The following WASF2 variants were observed in gnomAD, a reference collection of about 807,000 sequenced individuals.
The protein encoded by WASF2 is WASP family member 2.
A neutral mutation model predicts 45.0 loss-of-function variants in WASF2; 14 were observed. That is an observed-to-expected ratio of 0.31 (90% CI 0.21 to 0.49). The LOEUF is 0.49. Among genes scored for constraint, WASF2 ranks in the 20% least tolerant of loss-of-function variants. The pLI is 0.99. For missense variants in WASF2, 439 were observed against 636.1 expected, an observed-to-expected ratio of 0.69 and a Z score of 3.33; for synonymous variants, 200 against 236.3, an observed-to-expected ratio of 0.85 and a Z score of 1.41.
chr1:27,412,425 C>T (rs1378661763), intron 7 of WASF2, 147 bp downstream of exon 7: 5 of 1,073,222 alleles, frequency 4.7e-6, no homozygotes, highest in Non-Finnish European at 6.8e-6. Context: ...CCAGACTGGT[C>T]TTGAACTTTT....
In WASF2 at chr1:27,414,778, T is replaced by C; in HGVS notation, c.668+55A>G. On this transcript the variant is annotated intron_variant, in intron 6 of 8. Coordinates refer to ENST00000618852, the MANE Select transcript of WASF2 (RefSeq NM_006990.5). The surrounding 1 kb of genome is among the most constrained non-coding windows in gnomAD (Gnocchi z 4.1). ...AGGTGTCACACCAGAGCTGTCAGAC[T>C]GTTGTCCCCAGCCCCTTCAAAGAAT... is the stretch of plus-strand genomic sequence containing the variant. 3 of 1,596,266 alleles carry C rather than the reference T, an allele frequency of 1.9e-6. No homozygotes were observed. The highest frequency in any genetic ancestry group is 3.4e-5 in the Admixed American group (2 of 57,980).
intron 1 of WASF2, among the ~76,000 whole-genome samples, chr1:27,452,763 CTGAGA>C (rs1006473075): frequency 9.9e-5 from 15 of 151,750 alleles, no homozygotes; most frequent in African/African-American, 3.4e-4. Flanking sequence ...TTGCAGTGAG[CTGAGA>C]TCACACCACC....
intron 1 of WASF2, among the ~76,000 whole-genome samples, chr1:27,466,553 C>G (rs2017613647): frequency 6.6e-6 from 1 of 152,156 alleles, no homozygotes. Flanking sequence ...TGCAAAGCAC[C>G]AACTTTCAAA....
intron 1 of WASF2, among the ~76,000 whole-genome samples, chr1:27,468,338 AC>A (rs995863945): frequency 2.6e-5 from 4 of 152,044 alleles, no homozygotes; most frequent in African/African-American, 9.7e-5. Context: ...CAAAAAAAAA[AC>A]ACCAGAGAAA....
intron 2 of WASF2, among the ~76,000 whole-genome samples, chr1:27,419,736 A>G (rs1232161013): frequency 6.6e-6 from 1 of 152,244 alleles, no homozygotes; most frequent in Non-Finnish European, 1.5e-5. Context: ...TCTAAAATTA[A>G]CATGAAAAAT....
intron 1 of WASF2, among the ~76,000 whole-genome samples, chr1:27,448,734 C>G (rs1193781400): frequency 6.7e-6 from 1 of 150,124 alleles, no homozygotes; most frequent in African/African-American, 2.5e-5. Flanking sequence ...CCCAACTACT[C>G]AGAAGGCTGA....
intron 1 of WASF2, among the ~76,000 whole-genome samples, chr1:27,471,613 G>A (rs575110194): frequency 1.6e-4 from 24 of 152,164 alleles, no homozygotes; most frequent in African/African-American, 5.1e-4. Context: ...GGCCAACAGC[G>A]CAAGAACCTG....
chr1:27,454,779 C>T (rs1007703921), intron 1 of WASF2, among the ~76,000 whole-genome samples: 3 of 152,048 alleles, frequency 2.0e-5, no homozygotes, highest in Admixed American at 1.3e-4. Flanking sequence ...GCTATAGCTG[C>T]GATTTACTTT....
Position 27,409,816 on chromosome 1 carries a change from G to A in WASF2, c.1215C>T (p.Pro405=). 1 of 1,563,754 alleles carries A rather than the reference G, an allele frequency of 6.4e-7. No homozygotes were observed. ...GCTGGCCATCTGCACCAGTGAAAGG[G>A]GGAGGAGGGGGCCCCGGAGGAGGAG... ...PPPPPPGPPP[P]PFTGADGQPA... Residue 405 remains proline (P), a synonymous_variant, in exon 8 of 9, where the codon CCC becomes CCT. Coordinates refer to ENST00000618852, the MANE Select transcript of WASF2 (RefSeq NM_006990.5).
At chr1:27,422,345 C>A (rs1015329606) in intron 2 of WASF2, among the ~76,000 whole-genome samples, 1 of 152,070 alleles carries the variant, frequency 6.6e-6, no homozygotes, top group Non-Finnish European at 1.5e-5. Flanking sequence ...CTGGGCTGGG[C>A]GCAGTGGCTC....
chr1:27,416,244 C>G (rs1557597337), intron 4 of WASF2, 142 bp from the exon 5 acceptor site: 1 of 691,526 alleles, frequency 1.4e-6, no homozygotes, highest in African/African-American at 1.8e-5. Flanking sequence ...CCTCCTCTCC[C>G]ATACCAGCAT....
At chr1:27,432,376 C>T (rs545830243) in intron 1 of WASF2, among the ~76,000 whole-genome samples, 7 of 152,112 alleles carry the variant, frequency 4.6e-5, no homozygotes, top group African/African-American at 7.2e-5. Flanking sequence ...AGGCCGGGCG[C>T]GGTGGCTCAC....
intron 1 of WASF2, among the ~76,000 whole-genome samples, chr1:27,487,613 T>TATATATTATATA (rs2017957031): frequency 1.0e-5 from 1 of 99,524 alleles, no homozygotes; most frequent in Non-Finnish European, 1.8e-5. Context: ...TAATATATAT[T>TATATATTATATA]ATATATATTT....
At chr1:27,461,721 G>A (rs887673420) in intron 1 of WASF2, among the ~76,000 whole-genome samples, 4 of 151,694 alleles carry the variant, frequency 2.6e-5, no homozygotes, top group Non-Finnish European at 4.4e-5. Context: ...TAATCCACCC[G>A]CCTCGGCCTC....
chr1:27,412,518 T>C (rs1166230282), intron 7 of WASF2, 54 bp downstream of exon 7: 51 of 1,605,016 alleles, frequency 3.2e-5, no homozygotes, highest in Non-Finnish European at 3.8e-5. Context: ...GTCCATTCTT[T>C]TGTTCTCAAG....
intron 1 of WASF2, among the ~76,000 whole-genome samples, chr1:27,487,345 C>G (rs926899225): frequency 7.1e-6 from 1 of 141,352 alleles, no homozygotes; most frequent in African/African-American, 2.6e-5. Context: ...GTGATCCACC[C>G]GCCTCGGCCT....
At chr1:27,426,635 C>T (rs1187297719) in intron 2 of WASF2, among the ~76,000 whole-genome samples, 1 of 151,912 alleles carries the variant, frequency 6.6e-6, no homozygotes, top group African/African-American at 2.4e-5. Context: ...CTTAGCCTCC[C>T]GAGTAGCTGG....
At position 27,407,303 on chromosome 1, in the gene WASF2, T is replaced by G. The variant is rs35504794; in HGVS notation, c.*886A>C. ...GCAAGTCACTTCCCATCTCTAGGCC[T>G]CAGCATCCTTAAAGGGTGAGACCCA... On this transcript the variant is annotated 3_prime_UTR_variant, in exon 9 of 9. Coordinates refer to ENST00000618852, the MANE Select transcript of WASF2 (RefSeq NM_006990.5). 3.9e-3 allele frequency: 594 copies of G among 152,830 alleles called. 4 individuals are homozygous for G. The highest frequency in any genetic ancestry group is 0.01 in the Middle Eastern group (3 of 294). The allele number at this position is 152,830 out of a possible 1,614,324, so 9.5% of individuals were successfully genotyped here.
At chr1:27,454,119 ATG>A (rs1322709314) in intron 1 of WASF2, among the ~76,000 whole-genome samples, 7 of 140,144 alleles carry the variant, frequency 5.0e-5, no homozygotes, top group African/African-American at 1.9e-4. Flanking sequence ...GTGTATATAT[ATG>A]TGTGTATATA....
Sources: allele counts gnomAD v4.1 joint callset (sites outside exome capture counted in the v4.1 genomes callset), GRCh38; gene constraint gnomAD v4.1.1; non-coding constraint Gnocchi (gnomAD v3.1); transcripts MANE v1.5; gene names NCBI Gene and HGNC (gene_info 2026-07-23, HGNC 2026-07-21).